Variants in ANO2 observed in about 807,000 individuals in gnomAD.
ANO2 encodes the protein anoctamin 2, also known as anoctamin-2.
Under a neutral mutation model 124.2 loss-of-function variants are expected in ANO2, and 101 were observed. That is an observed-to-expected ratio of 0.81 (90% CI 0.69 to 0.96). The LOEUF (loss-of-function observed/expected upper bound fraction) is 0.96, where lower values mean the gene tolerates loss of function less well. Ranked by LOEUF, ANO2 falls within the 40% of genes least tolerant of loss-of-function variation. The pLI, the probability that ANO2 is intolerant of heterozygous loss-of-function variation, is 0.00. For missense variants in ANO2, 1,293 were observed against 1,274.5 expected (o/e 1.01, Z -0.22); for synonymous variants, 486 against 482.5 (o/e 1.01, Z -0.09).
chr12:5,801,789 T>C (rs1178186520), intron 9 of ANO2, among the ~76,000 whole-genome samples: 2 of 152,216 alleles, frequency 1.3e-5, no homozygotes, highest in Admixed American at 6.5e-5. Flanking sequence ...CTGCTCCTGC[T>C]CACTCCAGGG....
At chr12:5,781,006 T>C (rs1860958) in intron 10 of ANO2, among the ~76,000 whole-genome samples, 131,088 of 152,228 alleles carry the variant, frequency 0.86, 56,591 homozygotes, top group Middle Eastern at 0.93. Flanking sequence ...CTTTCAACTA[T>C]TTCATCATAG....
chr12:5,591,870 G>C (rs1410739395), intron 20 of ANO2, among the ~76,000 whole-genome samples: 1 of 152,164 alleles, frequency 6.6e-6, no homozygotes, highest in South Asian at 2.1e-4. Context: ...GCTGCCCCGG[G>C]GGAGGGCAGG....
chr12:5,866,115 G>A (rs1955420782), intron 3 of ANO2, among the ~76,000 whole-genome samples: 1 of 152,146 alleles, frequency 6.6e-6, no homozygotes, highest in Admixed American at 6.5e-5. Context: ...CTGCCACAAC[G>A]ACTGCTTCTG....
At chr12:5,626,658 G>A (rs954100571) in intron 16 of ANO2, among the ~76,000 whole-genome samples, 19 of 152,166 alleles carry the variant, frequency 1.2e-4, no homozygotes, top group African/African-American at 4.3e-4. Flanking sequence ...CAAAGGAAGC[G>A]ACTCTAATGA....
chr12:5,893,703 A>G (rs971958263), intron 3 of ANO2, among the ~76,000 whole-genome samples: 2 of 147,770 alleles, frequency 1.4e-5, no homozygotes, highest in Non-Finnish European at 1.5e-5. Context: ...ATGTATTCTC[A>G]TTGTTCAACT....
rs948806285 is a variant in ANO2, at chr12:5,658,090, T to A, written c.1546-10289A>T. ...CCTCTCCTCATCCCCCTTTTCTTCTTCCTTGCTGGAGGGCATCTCACCATG... is the reference window on the plus strand; with the variant it reads ...CCTCTCCTCATCCCCCTTTTCTTCTACCTTGCTGGAGGGCATCTCACCATG... On this transcript the variant is annotated intron_variant, in intron 14 of 24. Coordinates refer to ENST00000682330, the MANE Select transcript of ANO2 (RefSeq NM_001364791.2). This position sits in a 1 kb window ranked among gnomAD's most constrained non-coding sequence, Gnocchi z 4.3. Among the ~76,000 whole-genome samples, 1 of 94,634 alleles carries A rather than the reference T, an allele frequency of 1.1e-5. No individual in the cohort carries two copies. The highest frequency in any genetic ancestry group is 2.9e-5 in the African/African-American group (1 of 34,058). 62.1% of individuals were successfully genotyped at this position (94,634 alleles called of 152,430 possible).
chr12:5,616,386 G>T (rs1944810801), intron 16 of ANO2, among the ~76,000 whole-genome samples: 1 of 152,196 alleles, frequency 6.6e-6, no homozygotes, highest in African/African-American at 2.4e-5. Context: ...TCCCATGTAT[G>T]TGTGCTCTGC....
chr12:5,730,025 G>A (rs534492480), intron 14 of ANO2, among the ~76,000 whole-genome samples: 7 of 152,102 alleles, frequency 4.6e-5, no homozygotes, highest in Admixed American at 2.0e-4. Context: ...TTTCTTTTTC[G>A]GATAATAAAA....
Position 5,883,961 on chromosome 12 carries a change from T to C in ANO2, c.535-29820A>G, listed in dbSNP as rs147262206. On this transcript the variant is annotated intron_variant, in intron 3 of 24. Coordinates refer to ENST00000682330, the MANE Select transcript of ANO2 (RefSeq NM_001364791.2). The stretch of plus-strand genomic sequence containing the variant: ...AACCTAATCCCAGCATTGTCAGGTA[T>C]ATATTAAAATTCCTGTTTTACAGAT... Among the ~76,000 whole-genome samples, 546 of 152,322 alleles carry C rather than the reference T, an allele frequency of 3.6e-3. 6 individuals carry two copies. Among genetic ancestry groups the C allele is most frequent in the African/African-American group, 0.012 (502 of 41,568 alleles).
chr12:5,829,273 G>A (rs539771271), intron 6 of ANO2, among the ~76,000 whole-genome samples: 5 of 152,234 alleles, frequency 3.3e-5, no homozygotes, highest in South Asian at 2.1e-4. Flanking sequence ...CCCCACAGTC[G>A]TGGGACCCAA....
intron 14 of ANO2, among the ~76,000 whole-genome samples, chr12:5,697,108 C>T (rs1372898119): frequency 1.3e-5 from 2 of 152,156 alleles, no homozygotes; most frequent in African/African-American, 4.8e-5. Flanking sequence ...ACTGGTCATA[C>T]AGTAGAACTA....
chr12:5,931,266 C>G (rs981372679), intron 1 of ANO2, among the ~76,000 whole-genome samples: 22 of 152,162 alleles, frequency 1.4e-4, no homozygotes, highest in African/African-American at 4.8e-4. Flanking sequence ...CCCTATACCC[C>G]CATTACCCAC....
intron 7 of ANO2, among the ~76,000 whole-genome samples, chr12:5,817,084 T>TA (rs1434764038): frequency 6.6e-6 from 1 of 152,142 alleles, no homozygotes; most frequent in Non-Finnish European, 1.5e-5. Flanking sequence ...ACACACACAA[T>TA]AAAAAACCTC....
At chr12:5,828,393 C>T (rs1954053647) in intron 6 of ANO2, among the ~76,000 whole-genome samples, 1 of 152,170 alleles carries the variant, frequency 6.6e-6, no homozygotes, top group Admixed American at 6.5e-5. Context: ...TGTAATGGGG[C>T]CATCTCGCCC....
chr12:5,755,908 G>T (rs1443345609), intron 10 of ANO2, among the ~76,000 whole-genome samples: 1 of 152,094 alleles, frequency 6.6e-6, no homozygotes, highest in Non-Finnish European at 1.5e-5. Flanking sequence ...CCTAGATTTG[G>T]AAAGTTTTTA....
At chr12:5,707,805 C>T (rs1328222617) in intron 14 of ANO2, among the ~76,000 whole-genome samples, 2 of 152,226 alleles carry the variant, frequency 1.3e-5, no homozygotes, top group Admixed American at 6.5e-5. Flanking sequence ...GTCTATCTGA[C>T]GTTGGTAAAC....
In ANO2 at chr12:5,750,988, G is replaced by A. The variant is rs763511518; in HGVS notation, c.1056-18C>T. 1.2e-5 allele frequency: 19 copies of A among 1,578,558 alleles called. No individual in the cohort carries two copies. The highest frequency in any genetic ancestry group is 1.5e-5 in the Non-Finnish European group (18 of 1,161,336). ...AATACTTTCTGGAAAAGAAAGAAAA[G>A]AAAATGAAACACATATTAAGAACAT... On this transcript the variant is annotated intron_variant, in intron 10 of 24. Coordinates refer to ENST00000682330, the MANE Select transcript of ANO2 (RefSeq NM_001364791.2).
chr12:5,893,403 C>G (rs908055701), intron 3 of ANO2, among the ~76,000 whole-genome samples: 3 of 151,602 alleles, frequency 2.0e-5, no homozygotes, highest in Non-Finnish European at 4.4e-5. Context: ...AGAAAGAAAA[C>G]ACATAATTCC....
chr12:5,588,821 G>A (rs1258167051), intron 20 of ANO2, among the ~76,000 whole-genome samples: 1 of 152,120 alleles, frequency 6.6e-6, no homozygotes, highest in Admixed American at 6.5e-5. Context: ...CATCACTGCA[G>A]GGAAAAACTC....
Sources: gnomAD v4.1 joint callset for allele counts (sites outside exome capture counted in the v4.1 genomes callset) on GRCh38, gnomAD v4.1.1 for gene constraint, Gnocchi (gnomAD v3.1) non-coding constraint, MANE v1.5 for transcripts, NCBI Gene and HGNC (gene_info 2026-07-23, HGNC 2026-07-21) for gene names.